The following KIF20B variants were observed in gnomAD, a reference collection of about 807,000 sequenced individuals.
KIF20B encodes the protein kinesin-like protein KIF20B.
In KIF20B, 188 loss-of-function variants were observed where a neutral mutation model predicts 232.5. The observed-to-expected ratio is 0.81, with a 90% confidence interval of 0.72 to 0.91. The LOEUF (loss-of-function observed/expected upper bound fraction) is 0.91. Ranked by LOEUF, KIF20B falls within the 40% of genes least tolerant of loss-of-function variation. The pLI, the probability that KIF20B is intolerant of heterozygous loss-of-function variation, is 0.00. For synonymous variants in KIF20B, 712 were observed against 683.0 expected (o/e 1.04, Z -0.66); for missense variants, 2,154 against 2,055.9 (o/e 1.05, Z -0.92).
rs1353686195 is a variant in KIF20B, at chr10:89,768,484, C to G, written c.5091+93C>G. On this transcript the variant is annotated intron_variant, in intron 30 of 32. Transcript: ENST00000371728. ...CATTTATCTTCTCTTTCCTATACATCTGATTCAGTTGAAATGTAACCTTTA... is the reference window on the plus strand; with the variant it reads ...CATTTATCTTCTCTTTCCTATACATGTGATTCAGTTGAAATGTAACCTTTA... 4 of 828,278 alleles carry G rather than the reference C, an allele frequency of 4.8e-6. No homozygotes were observed. Among genetic ancestry groups the G allele is most frequent in the Non-Finnish European group, 7.7e-6 (4 of 516,182 alleles). 51.3% of individuals were successfully genotyped at this position (828,278 alleles called of 1,614,324 possible). A position where few individuals can be genotyped will look rare whatever the true frequency, so the allele number is the denominator to read the frequency against.
chr10:89,714,873 T>G, intron 7 of KIF20B, 82 bp from the exon 8 acceptor site: 3 of 852,414 alleles, frequency 3.5e-6, no homozygotes, highest in Non-Finnish European at 3.7e-6. Flanking sequence ...TTTTCAAGTG[T>G]GAGAATCGAT....
intron 13 of KIF20B, 98 bp downstream of exon 13, chr10:89,719,804 A>T: frequency 1.0e-6 from 1 of 994,470 alleles, no homozygotes; most frequent in Non-Finnish European, 1.5e-6. Context: ...TCAACAGTAC[A>T]CTGAAGTTTT....
rs1469419098 is a variant in KIF20B, at chr10:89,726,408, C to G, written c.2117C>G (p.Pro706Arg). The change falls in exon 16 of 33, where the codon CCC becomes CGC. Residue 706 changes from proline to arginine, a missense_variant. Physicochemically the swap from Pro to Arg is moderately radical, Grantham distance 103 (BLOSUM62 -2). Coordinates refer to ENST00000371728, the MANE Select transcript of KIF20B (RefSeq NM_001284259.2). ...TTATATATTGCATCTCTTCCTGACC[C>G]CCAGGAAGCTACTGCTTGTTTAGAA... The part of the protein sequence containing the change: ...AHLYIASLPD[P>R]QEATACLELK... 1.9e-6 allele frequency: 3 copies of G among 1,592,110 alleles called. No homozygotes were observed. The highest frequency in any genetic ancestry group is 3.3e-4 in the Middle Eastern group (2 of 6,024).
At chr10:89,732,467 A>T (rs1343017143) in intron 18 of KIF20B, among the ~76,000 whole-genome samples, 2 of 150,390 alleles carry the variant, frequency 1.3e-5, no homozygotes, top group African/African-American at 2.5e-5. Flanking sequence ...AAAAAAAAAA[A>T]AAGTCTAAAT....
chr10:89,729,211 C>A lies in KIF20B; in HGVS notation c.2355C>A (p.Asn785Lys). 6 of 1,490,808 alleles carry A rather than the reference C, an allele frequency of 4.0e-6. No homozygotes were observed. Among genetic ancestry groups the A allele is most frequent in the African/African-American group, 1.4e-5 (1 of 69,860 alleles). 92.3% of individuals were successfully genotyped at this position (1,490,808 alleles called of 1,614,324 possible). The change falls in exon 18 of 33, where the codon AAC (asparagine) becomes AAA (lysine). Residue 785 changes from asparagine (N) to lysine (K), a missense_variant. Asn to Lys is a moderately conservative substitution (Grantham distance 94). Transcript: ENST00000371728. ...QKEDTINEFQ[N>K]LKSHMENTFK... ...AAGATACTATCAACGAATTTCAGAA[C>A]CTAAAGTCTCATATGGAAAACACAT... is the stretch of plus-strand genomic sequence containing the variant.
intron 2 of KIF20B, among the ~76,000 whole-genome samples, chr10:89,707,653 C>T (rs938099858): frequency 6.6e-6 from 1 of 150,982 alleles, no homozygotes; most frequent in African/African-American, 2.4e-5. Flanking sequence ...CATCCCCTTT[C>T]CCCCTTCACA....
At chr10:89,701,839 C>A (rs1842615940) in intron 1 of KIF20B, 159 bp downstream of exon 1, 1 of 152,042 alleles carries the variant, frequency 6.6e-6, no homozygotes, top group Non-Finnish European at 1.5e-5. Flanking sequence ...CGGAGCGATG[C>A]GAACACGGGG....
chr10:89,717,325 A>G, intron 9 of KIF20B, 99 bp from the exon 10 acceptor site: 1 of 721,660 alleles, frequency 1.4e-6, no homozygotes, highest in Non-Finnish European at 2.3e-6. Flanking sequence ...GACTGTAGTT[A>G]TACTAGGGTA....
At chr10:89,705,180 C>G in intron 1 of KIF20B, 114 bp from the exon 2 acceptor site, 1 of 840,406 alleles carries the variant, frequency 1.2e-6, no homozygotes, top group Admixed American at 2.3e-5. Context: ...TAATGCGTTT[C>G]TTTTCTAAAA....
At chr10:89,740,079 T>C (rs939317820) in intron 21 of KIF20B, among the ~76,000 whole-genome samples, 1 of 152,200 alleles carries the variant, frequency 6.6e-6, no homozygotes, top group Non-Finnish European at 1.5e-5. Context: ...GGGGAATTAC[T>C]GTGTTAGAGG....
Position 89,735,535 on chromosome 10 carries a change from C to CTTTTT in KIF20B, c.2546-1835_2546-1831dup, listed in dbSNP as rs397947713. Among the ~76,000 whole-genome samples, 224 of 108,134 alleles carry CTTTTT rather than the reference C, an allele frequency of 2.1e-3. 8 individuals carry two copies. Among genetic ancestry groups the CTTTTT allele is most frequent in the Non-Finnish European group, 2.5e-3 (140 of 55,718 alleles). 70.9% of individuals were successfully genotyped at this position (108,134 alleles called of 152,430 possible). On this transcript the variant is annotated intron_variant, in intron 19 of 32. Coordinates refer to ENST00000371728, the MANE Select transcript of KIF20B (RefSeq NM_001284259.2). Reference sequence around the variant, plus strand: ...GATACCAATGGAAAGTAGTAAGTGTCTTTTTTTTTTTTTTTTTTTTTGAGA... The same window carrying CTTTTT: ...GATACCAATGGAAAGTAGTAAGTGTCTTTTTTTTTTTTTTTTTTTTTTTTTTGAGA...
Position 89,727,875 on chromosome 10 carries a change from A to G in KIF20B, c.2250A>G (p.Gln750=). The part of the protein sequence containing the change: ...KRENESDSLI[Q]ELETSNKKII... Reference sequence around the variant, plus strand: ...TTTCAGAATCAGATTCATTGATTCAAGAGCTTGAGACATCTAATAAGGTAA... The same window carrying G: ...TTTCAGAATCAGATTCATTGATTCAGGAGCTTGAGACATCTAATAAGGTAA... The change falls in exon 17 of 33, where the codon CAA becomes CAG. Residue 750 remains glutamine, a synonymous_variant. Coordinates refer to ENST00000371728, the MANE Select transcript of KIF20B (RefSeq NM_001284259.2). The G allele has an allele frequency of 6.4e-7, 1 of 1,557,986 alleles. No homozygotes were observed. Among genetic ancestry groups the G allele is most frequent in the South Asian group, 1.1e-5 (1 of 87,282 alleles).
chr10:89,714,568 G>A (rs1017196173), intron 7 of KIF20B, among the ~76,000 whole-genome samples: 8 of 151,880 alleles, frequency 5.3e-5, no homozygotes, highest in Non-Finnish European at 7.4e-5. Context: ...TGACATAGTC[G>A]GTGATACCTG....
At chr10:89,732,030 C>T (rs931424004) in intron 18 of KIF20B, among the ~76,000 whole-genome samples, 2 of 152,126 alleles carry the variant, frequency 1.3e-5, no homozygotes, top group African/African-American at 4.8e-5. Context: ...CATTTGATTA[C>T]TCTATAGACT....
At position 89,724,098 on chromosome 10, in the gene KIF20B, C is replaced by CT. The variant is rs752330147; in HGVS notation, c.1860dup (p.Lys621Ter). The CT allele has an allele frequency of 6.8e-7, 1 of 1,473,902 alleles. No homozygotes were observed. Among genetic ancestry groups the CT allele is most frequent in the Non-Finnish European group, 9.0e-7 (1 of 1,116,174 alleles). 91.3% of individuals were successfully genotyped at this position (1,473,902 alleles called of 1,614,324 possible). A position where few individuals can be genotyped will look rare whatever the true frequency, so the allele number is the denominator to read the frequency against. ...AGTATTGGGCTCAACGGGAAGCTGA[C>CT]TTTAAGTAAGTTATTTATTTCATGT... is the stretch of plus-strand genomic sequence containing the variant. On this transcript the variant is annotated frameshift_variant, in exon 14 of 33. Coordinates refer to ENST00000371728, the MANE Select transcript of KIF20B (RefSeq NM_001284259.2). LOFTEE classifies it high-confidence loss of function.
In KIF20B at chr10:89,715,014, C is replaced by G. The variant is rs1288643331; in HGVS notation, c.772C>G (p.Gln258Glu). The G allele has an allele frequency of 1.2e-6, 2 of 1,602,242 alleles. No individual in the cohort carries two copies. The highest frequency in any genetic ancestry group is 4.5e-5 in the East Asian group (2 of 44,594). ...TGAAGAATCCATAAAAGATTATGAA[C>G]AAGCCAACTTGAATATGGCTAATAG... is the stretch of plus-strand genomic sequence containing the variant. ...EFEESIKDYEQANLNMANSIK... is the reference protein window; with the variant it reads ...EFEESIKDYEEANLNMANSIK... The change falls in exon 8 of 33, where the codon CAA becomes GAA. Residue 258 changes from glutamine to glutamate, a missense_variant. By Grantham distance (29) the Gln-to-Glu change is conservative. Transcript: ENST00000371728.
chr10:89,716,489 C>A lies in KIF20B; in HGVS notation c.994C>A (p.Leu332Ile). The change falls in exon 9 of 33, where the codon CTA becomes ATA. Residue 332 changes from leucine (L) to isoleucine (I), a missense_variant. By Grantham distance (5) the Leu-to-Ile change is conservative. Transcript: ENST00000371728. Reference sequence around the variant, plus strand: ...CAAAGAAGCCTATAGACTTTTAAAACTAGGAATAAAGCACCAGAGTGTTGC... The same window carrying A: ...CAAAGAAGCCTATAGACTTTTAAAAATAGGAATAAAGCACCAGAGTGTTGC... ...DSKEAYRLLK[L>I]GIKHQSVAFT... 1 of 1,593,290 alleles carries A rather than the reference C, an allele frequency of 6.3e-7. No individual in the cohort carries two copies. The highest frequency in any genetic ancestry group is 8.6e-7 in the Non-Finnish European group (1 of 1,168,242).
Position 89,762,693 on chromosome 10 carries a change from C to G in KIF20B, c.4847C>G (p.Thr1616Ser), listed in dbSNP as rs1842269433. 6.2e-7 allele frequency: 1 copy of G among 1,613,644 alleles called. No homozygotes were observed. Among genetic ancestry groups the G allele is most frequent in the African/African-American group, 1.3e-5 (1 of 75,000 alleles). Residue 1616 changes from threonine (T) to serine (S), a missense_variant, in exon 29 of 33, where the codon ACT (threonine) becomes AGT (serine). Thr to Ser is a moderately conservative substitution (Grantham distance 58, BLOSUM62 1). Coordinates refer to ENST00000371728, the MANE Select transcript of KIF20B (RefSeq NM_001284259.2). ...GTGTCAACAGAAAATGATCAAAGCA[C>G]TCGATTTCCAAAACCTGAGTTAGAG... Reference protein sequence around the residue: ...CEVSTENDQSTRFPKPELEIQ... With the variant: ...CEVSTENDQSSRFPKPELEIQ...
intron 23 of KIF20B, among the ~76,000 whole-genome samples, chr10:89,747,781 A>G (rs1398797933): frequency 3.9e-5 from 6 of 152,042 alleles, no homozygotes; most frequent in Non-Finnish European, 7.4e-5. Flanking sequence ...GATATACCTA[A>G]TGCTAGATGA....
Sources: gnomAD v4.1 joint callset for allele counts (sites outside exome capture counted in the v4.1 genomes callset) on GRCh38, gnomAD v4.1.1 for gene constraint, MANE v1.5 for transcripts, NCBI Gene and HGNC (gene_info 2026-07-23, HGNC 2026-07-21) for gene names.